Variants in PC observed in about 807,000 individuals in gnomAD.
The protein encoded by PC is pyruvate carboxylase, also known as pyruvate carboxylase, mitochondrial.
A neutral mutation model predicts 107.8 loss-of-function variants in PC; 46 were observed. The ratio of observed to expected loss-of-function variants is 0.43; its 90% CI spans 0.34 to 0.55. PC has a LOEUF of 0.55. PC is among the 20% of genes least tolerant of loss of function. The pLI is 0.04. For synonymous variants in PC, 662 were observed against 684.7 expected (o/e 0.97, Z 0.52); for missense variants, 1,241 against 1,643.1 (o/e 0.76, Z 4.23).
In PC at chr11:66,871,509, T is replaced by C. The variant is rs1272787118; in HGVS notation, c.322-29A>G. ...CAGGTGGGGGTCAGGGAGAGGACGG[T>C]ACCTTGCAGTCCCTTCCAAGGCCTC... On this transcript the variant is annotated intron_variant, in intron 5 of 22. Transcript: ENST00000393960. This position sits in a 1 kb window ranked among gnomAD's most constrained non-coding sequence, Gnocchi z 7.4. 3 of 1,612,062 alleles carry C rather than the reference T, an allele frequency of 1.9e-6. No individual in the cohort carries two copies. Among genetic ancestry groups the C allele is most frequent in the Non-Finnish European group, 2.5e-6 (3 of 1,179,332 alleles).
At chr11:66,898,595 G>T (rs988387254) in intron 3 of PC, among the ~76,000 whole-genome samples, 2 of 152,150 alleles carry the variant, frequency 1.3e-5, no homozygotes, top group East Asian at 3.9e-4. Flanking sequence ...CAGGAGAATC[G>T]CTTGAACCCA....
At chr11:66,916,338 G>A (rs985965206) in intron 3 of PC, among the ~76,000 whole-genome samples, 5 of 152,122 alleles carry the variant, frequency 3.3e-5, no homozygotes, top group East Asian at 1.9e-4. Context: ...CTCCGACCTC[G>A]GCCTCCCACA....
chr11:66,923,056 A>G (rs1948631057), intron 3 of PC, among the ~76,000 whole-genome samples: 1 of 152,108 alleles, frequency 6.6e-6, no homozygotes, highest in South Asian at 2.1e-4. Flanking sequence ...GCGAACACAC[A>G]ATAATGTGGG....
At chr11:66,879,426 G>A (rs908322975) in intron 3 of PC, among the ~76,000 whole-genome samples, 3 of 152,214 alleles carry the variant, frequency 2.0e-5, no homozygotes, top group African/African-American at 7.2e-5. Flanking sequence ...AAAGTAGTTG[G>A]GAGTGTCAGG....
In PC at chr11:66,906,579, T is replaced by C. The variant is rs143721557; in HGVS notation, c.1-34420A>G. Among the ~76,000 whole-genome samples, 43 of 152,234 alleles carry C rather than the reference T, an allele frequency of 2.8e-4. 1 individual carries two copies. The highest frequency in any genetic ancestry group is 9.8e-4 in the Admixed American group (15 of 15,298). Reference sequence around the variant, plus strand: ...CAGTTTGGGACTAAGCAGAGGGAAATAGAGCTGAAGCATACACAGATGTCC... The same window carrying C: ...CAGTTTGGGACTAAGCAGAGGGAAACAGAGCTGAAGCATACACAGATGTCC... On this transcript the variant is annotated intron_variant, in intron 3 of 22. Transcript: ENST00000393960.
At chr11:66,942,799 A>G (rs1270023555) in intron 3 of PC, among the ~76,000 whole-genome samples, 1 of 151,872 alleles carries the variant, frequency 6.6e-6, no homozygotes, top group Non-Finnish European at 1.5e-5. Context: ...GATCACCTGA[A>G]GTCGGGAGTT....
At chr11:66,937,323 T>A (rs1949023939) in intron 3 of PC, among the ~76,000 whole-genome samples, 1 of 152,216 alleles carries the variant, frequency 6.6e-6, no homozygotes, top group Non-Finnish European at 1.5e-5. Flanking sequence ...CTCCCATGAT[T>A]TCTGAGGAGA....
chr11:66,918,919 C>A (rs185118023), intron 3 of PC, among the ~76,000 whole-genome samples: 1 of 152,122 alleles, frequency 6.6e-6, no homozygotes, highest in East Asian at 1.9e-4. Flanking sequence ...TTTCATCTAT[C>A]CAGAAGTTCC....
At chr11:66,888,782 A>G (rs1373814397) in intron 3 of PC, among the ~76,000 whole-genome samples, 1 of 152,234 alleles carries the variant, frequency 6.6e-6, no homozygotes, top group Non-Finnish European at 1.5e-5. Context: ...AATGTTAACA[A>G]TGTAAAATCT....
At chr11:66,859,128 C>G (rs373973686) in intron 12 of PC, 1 of 1,474,972 alleles carries the variant, frequency 6.8e-7, no homozygotes, top group Non-Finnish European at 9.0e-7. Flanking sequence ...GCTGCACTCC[C>G]GGCGCCCTTC....
intron 3 of PC, among the ~76,000 whole-genome samples, chr11:66,945,392 A>T (rs1378353567): frequency 1.2e-5 from 1 of 86,658 alleles, no homozygotes; most frequent in Non-Finnish European, 2.4e-5. Context: ...GGAAGCCTTA[A>T]ATAGATTAAC....
Position 66,852,749 on chromosome 11 carries a change from A to G in PC, c.1601T>C (p.Ile534Thr). ...TTGACAGAATGGATCTCACCTACCT[A>G]TGGGCACTGCAGGGACAACGGGGTC... ...PTDPVVPAVP[I>T]GPPPAGFRDI... Residue 534 changes from isoleucine (I) to threonine (T), a missense_variant and splice_region_variant, in exon 14 of 23, where the codon ATA becomes ACA. Around this residue, in one of 2 missense-constraint regions of PC, gnomAD observed 1,143 missense variants for 1,551.9 expected, o/e 0.74. Coordinates refer to ENST00000393960, the MANE Select transcript of PC (RefSeq NM_001040716.2). The surrounding 1 kb of genome is among the most constrained non-coding windows in gnomAD (Gnocchi z 4.7). The G allele has an allele frequency of 1.9e-6, 3 of 1,609,012 alleles. No individual in the cohort carries two copies. Among genetic ancestry groups the G allele is most frequent in the Non-Finnish European group, 2.6e-6 (3 of 1,176,368 alleles).
chr11:66,877,338 A>G (rs572837936), intron 3 of PC, among the ~76,000 whole-genome samples: 6 of 152,304 alleles, frequency 3.9e-5, no homozygotes, highest in Admixed American at 3.9e-4. Context: ...GTGAGCCGAG[A>G]TCGCGCCATT....
Position 66,849,508 on chromosome 11 carries a change from T to C in PC, c.3147+103A>G, listed in dbSNP as rs112451269. 5.2e-4 allele frequency: 843 copies of C among 1,608,452 alleles called. 5 individuals carry two copies. Among genetic ancestry groups the C allele is most frequent in the Middle Eastern group, 5.0e-4 (3 of 6,026 alleles). On this transcript the variant is annotated intron_variant, in intron 21 of 22. Coordinates refer to ENST00000393960, the MANE Select transcript of PC (RefSeq NM_001040716.2). The stretch of plus-strand genomic sequence containing the variant: ...CTAGCTCCCGGTCTCAAGGGTCCTT[T>C]CTGCTCCCAAAGCTTGCGAGGCTGG...
At chr11:66,896,840 T>C (rs1435429452) in intron 3 of PC, among the ~76,000 whole-genome samples, 4 of 152,070 alleles carry the variant, frequency 2.6e-5, no homozygotes, top group Non-Finnish European at 5.9e-5. Context: ...AAACATAGAG[T>C]ATTTCTAGAA....
intron 3 of PC, among the ~76,000 whole-genome samples, chr11:66,900,964 GTTCT>G (rs1016081860): frequency 2.0e-5 from 3 of 152,172 alleles, no homozygotes; most frequent in African/African-American, 7.2e-5. Flanking sequence ...CAATCTGGAT[GTTCT>G]TTATTTCCTT....
At position 66,850,930 on chromosome 11, in the gene PC, G is replaced by T. The variant is rs375657263; in HGVS notation, c.2224-7C>A. On this transcript the variant is annotated splice_polypyrimidine_tract_variant and splice_region_variant and intron_variant, in intron 17 of 22. Transcript: ENST00000393960. Reference sequence around the variant, plus strand: ...TCAGCAGCCCGGCCATGTCCTGGGGGAAGTGGGAGAGAGAGAGAGAGAGAT... The same window carrying T: ...TCAGCAGCCCGGCCATGTCCTGGGGTAAGTGGGAGAGAGAGAGAGAGAGAT... The T allele has an allele frequency of 8.7e-6, 14 of 1,608,070 alleles. No individual in the cohort carries two copies. The highest frequency in any genetic ancestry group is 2.2e-5 in the East Asian group (1 of 44,896).
Position 66,849,756 on chromosome 11 carries a change from T to A in PC, c.3002A>T (p.Glu1001Val). The A allele has an allele frequency of 1.2e-6, 2 of 1,614,104 alleles. No homozygotes were observed. The highest frequency in any genetic ancestry group is 1.7e-6 in the Non-Finnish European group (2 of 1,180,022). ...EKELVDRHGE[E>V]VTPEDVLSAA... is the part of the protein sequence containing the mutation. The stretch of plus-strand genomic sequence containing the variant: ...TGAGAGCACATCTTCCGGCGTCACC[T>A]CCTCCCCATGCCGGTCTACCAGCTC... The change falls in exon 21 of 23, where the codon GAG becomes GTG. Residue 1001 changes from glutamate (E) to valine (V), a missense_variant. Coordinates refer to ENST00000393960, the MANE Select transcript of PC (RefSeq NM_001040716.2).
intron 3 of PC, among the ~76,000 whole-genome samples, chr11:66,873,462 A>T (rs1170415939): frequency 5.9e-5 from 5 of 84,224 alleles, no homozygotes; most frequent in Admixed American, 2.1e-4. Context: ...TAAAATATAT[A>T]TTATATATAA....
Sources: gnomAD v4.1 joint callset for allele counts (sites outside exome capture counted in the v4.1 genomes callset) on GRCh38, gnomAD v4.1.1 for gene constraint, gnomAD v4.1.1 regional missense constraint, Gnocchi (gnomAD v3.1) non-coding constraint, MANE v1.5 for transcripts, NCBI Gene and HGNC (gene_info 2026-07-23, HGNC 2026-07-21) for gene names.